CHD7: variants seen among roughly 807,000 people sequenced by gnomAD.
The protein encoded by CHD7 is chromodomain helicase DNA binding protein 7.
CHD7 carries 24 observed loss-of-function variants against 307.3 expected under a neutral mutation model. The ratio of observed to expected loss-of-function variants is 0.08; its 90% CI spans 0.06 to 0.11. The LOEUF (loss-of-function observed/expected upper bound fraction) is 0.11. Among genes scored for constraint, CHD7 ranks in the 10% least tolerant of loss-of-function variants. The pLI, the probability that CHD7 is intolerant of heterozygous loss-of-function variation, is 1.00. For missense variants in CHD7, 3,106 were observed against 3,727.1 expected, an observed-to-expected ratio of 0.83 and a Z score of 4.34; for synonymous variants, 1,363 against 1,349.9, an observed-to-expected ratio of 1.01 and a Z score of -0.21.
chr8:60,791,661 T>C (rs146814887), intron 3 of CHD7, among the ~76,000 whole-genome samples: 4 of 152,306 alleles, frequency 2.6e-5, no homozygotes, highest in African/African-American at 4.8e-5. Flanking sequence ...TCCACCGGTC[T>C]GATGTTGTAT....
intron 14 of CHD7, among the ~76,000 whole-genome samples, chr8:60,829,211 G>T (rs535028506): frequency 1.3e-5 from 2 of 152,192 alleles, no homozygotes; most frequent in African/African-American, 4.8e-5. Flanking sequence ...CAGCCACACC[G>T]CTTACTTCTT....
intron 13 of CHD7, among the ~76,000 whole-genome samples, chr8:60,826,210 G>A (rs1349190763): frequency 6.6e-6 from 1 of 152,088 alleles, no homozygotes; most frequent in Non-Finnish European, 1.5e-5. Flanking sequence ...ACCAGTCCTG[G>A]GTGTCCTGAC....
Position 60,861,045 on chromosome 8 carries a change from G to T in CHD7, c.7750G>T (p.Asp2584Tyr). 1 of 1,613,998 alleles carries T rather than the reference G, an allele frequency of 6.2e-7. No individual in the cohort carries two copies. Among genetic ancestry groups the T allele is most frequent in the Non-Finnish European group, 8.5e-7 (1 of 1,179,898 alleles). ...AGATGGGACTAGGCTGGTGGGGGAAGATGCTCCTAAAAATAAGGATTTAGT... is the reference window on the plus strand; with the variant it reads ...AGATGGGACTAGGCTGGTGGGGGAATATGCTCCTAAAAATAAGGATTTAGT... The part of the protein sequence containing the change: ...LEDGTRLVGE[D>Y]APKNKDLVEW... The change falls in exon 35 of 38, where the codon GAT becomes TAT. Residue 2584 changes from aspartate (D) to tyrosine (Y), a missense_variant. By Grantham distance (160) the Asp-to-Tyr change is radical (BLOSUM62 -3). Transcript: ENST00000423902.
intron 2 of CHD7, among the ~76,000 whole-genome samples, chr8:60,743,685 A>G (rs1313352094): frequency 6.6e-6 from 1 of 152,218 alleles, no homozygotes; most frequent in African/African-American, 2.4e-5. Context: ...AGATTTGGAT[A>G]CCCAGCACTG....
intron 2 of CHD7, among the ~76,000 whole-genome samples, chr8:60,770,888 A>G (rs149509260): frequency 8.3e-4 from 127 of 152,344 alleles, no homozygotes; most frequent in East Asian, 4.8e-3. Flanking sequence ...CTTAAGCAGA[A>G]TTGTGTGAGC....
At chr8:60,717,129 T>G (rs934530041) in intron 1 of CHD7, among the ~76,000 whole-genome samples, 1 of 152,018 alleles carries the variant, frequency 6.6e-6, no homozygotes, top group African/African-American at 2.4e-5. Context: ...TTGTCCCGTT[T>G]ACTGGTGATA....
intron 1 of CHD7, among the ~76,000 whole-genome samples, chr8:60,711,038 G>C (rs1807260765): frequency 6.6e-6 from 1 of 152,138 alleles, no homozygotes; most frequent in Non-Finnish European, 1.5e-5. Context: ...TTTACACTAA[G>C]TAAAATAGAC....
At chr8:60,817,523 G>A (rs1024707500) in intron 8 of CHD7, among the ~76,000 whole-genome samples, 9 of 152,154 alleles carry the variant, frequency 5.9e-5, no homozygotes, top group African/African-American at 2.2e-4. Flanking sequence ...TCATGTGGTT[G>A]TTCTTTTACT....
chr8:60,854,575 G>C, intron 32 of CHD7, 52 bp downstream of exon 32: 2 of 1,446,852 alleles, frequency 1.4e-6, no homozygotes, highest in Non-Finnish European at 9.3e-7. Flanking sequence ...GATTAGGGTA[G>C]AGGAAATCTT....
At chr8:60,718,085 T>G (rs1563540327) in intron 1 of CHD7, among the ~76,000 whole-genome samples, 1 of 152,176 alleles carries the variant, frequency 6.6e-6, no homozygotes, top group Non-Finnish European at 1.5e-5. Flanking sequence ...CTTCCAGTCT[T>G]CAGAGTGGCA....
At chr8:60,837,616 G>A in intron 17 of CHD7, 52 bp from the exon 18 acceptor site, 2 of 1,417,754 alleles carry the variant, frequency 1.4e-6, no homozygotes, top group Non-Finnish European at 1.9e-6. Flanking sequence ...TTGGTGGGGA[G>A]ACAGAAACAT....
intron 1 of CHD7, among the ~76,000 whole-genome samples, chr8:60,696,055 A>G (rs910017332): frequency 5.3e-5 from 8 of 152,342 alleles, no homozygotes; most frequent in African/African-American, 1.9e-4. Flanking sequence ...GAATGGTGAA[A>G]TTTATGCTGT....
chr8:60,732,157 A>G (rs1040010776), intron 1 of CHD7, among the ~76,000 whole-genome samples: 1 of 152,198 alleles, frequency 6.6e-6, no homozygotes, highest in African/African-American at 2.4e-5. Flanking sequence ...GACTGTTTAC[A>G]CCCTTTCTAT....
chr8:60,831,912 C>A (rs1804534692), intron 15 of CHD7, among the ~76,000 whole-genome samples: 1 of 152,056 alleles, frequency 6.6e-6, no homozygotes, highest in African/African-American at 2.4e-5. Context: ...CAGAAGTCTC[C>A]GTTACTAATG....
At chr8:60,788,629 G>A (rs993565713) in intron 3 of CHD7, among the ~76,000 whole-genome samples, 2 of 152,194 alleles carry the variant, frequency 1.3e-5, no homozygotes, top group African/African-American at 4.8e-5. Flanking sequence ...GGGTGGCGAG[G>A]CACCTGCTTG....
chr8:60,775,852 G>A (rs1381717470), intron 2 of CHD7, among the ~76,000 whole-genome samples: 1 of 152,150 alleles, frequency 6.6e-6, no homozygotes, highest in Non-Finnish European at 1.5e-5. Context: ...CCAACTCCCG[G>A]GTTCAAGCAA....
chr8:60,738,536 A>G (rs1392934900), intron 1 of CHD7, among the ~76,000 whole-genome samples: 1 of 152,242 alleles, frequency 6.6e-6, no homozygotes, highest in African/African-American at 2.4e-5. Flanking sequence ...ACACAAAATT[A>G]TACAATGCAG....
chr8:60,756,632 A>G (rs1393210362), intron 2 of CHD7, among the ~76,000 whole-genome samples: 2 of 152,156 alleles, frequency 1.3e-5, no homozygotes, highest in African/African-American at 4.8e-5. Flanking sequence ...GTGTGCCATA[A>G]TTGCACCTGT....
intron 1 of CHD7, among the ~76,000 whole-genome samples, chr8:60,714,302 C>G (rs965518441): frequency 6.6e-6 from 1 of 151,830 alleles, no homozygotes; most frequent in African/African-American, 2.4e-5. Context: ...GGGGCGCTCG[C>G]TTCACCTCAT....
Sources: allele counts gnomAD v4.1 joint callset (sites outside exome capture counted in the v4.1 genomes callset), GRCh38; gene constraint gnomAD v4.1.1; transcripts MANE v1.5; gene names NCBI Gene and HGNC (gene_info 2026-07-23, HGNC 2026-07-21).